PCDHGB2: variants seen among roughly 807,000 people sequenced by gnomAD.
PCDHGB2 encodes protocadherin gamma-B2.
Under a neutral mutation model 59.3 loss-of-function variants are expected in PCDHGB2, and 55 were observed. That is an observed-to-expected ratio of 0.93 (90% CI 0.75 to 1.16). The LOEUF (loss-of-function observed/expected upper bound fraction) is 1.16. PCDHGB2 is among the 50% of genes most tolerant of loss of function. PCDHGB2 has a pLI of 0.00. For synonymous variants in PCDHGB2, 516 were observed against 512.0 expected (o/e 1.01, Z -0.11); for missense variants, 1,228 against 1,198.5 (o/e 1.02, Z -0.36).
chr5:141,365,340 T>C (rs776988694), intron 1 of PCDHGB2: 5 of 1,613,832 alleles, frequency 3.1e-6, no homozygotes, highest in Admixed American at 1.7e-5. Flanking sequence ...GTGGTCACAG[T>C]ACAGGACGTG....
intron 1 of PCDHGB2, chr5:141,377,804 G>A (rs1588845842): frequency 6.6e-6 from 1 of 152,230 alleles, no homozygotes; most frequent in Middle Eastern, 3.4e-3. Flanking sequence ...GTAACTATCT[G>A]TTATTTACTT....
At chr5:141,375,942 G>T in intron 1 of PCDHGB2, 4 of 1,613,518 alleles carry the variant, frequency 2.5e-6, no homozygotes, top group Non-Finnish European at 2.5e-6. Flanking sequence ...TTCTCAGTGG[G>T]CCTGCACACG....
chr5:141,432,945 G>A lies in PCDHGB2; in HGVS notation c.2422-61862G>A, dbSNP rs761055026. On this transcript the variant is annotated intron_variant, in intron 1 of 3. Transcript: ENST00000522605. This position sits in a 1 kb window ranked among gnomAD's most constrained non-coding sequence, Gnocchi z 6.0. ...AAGTCACGCCTGCTGCAGGCTTCAGGAGGCGGCTTGACAGGAGCGCCGGCG... is the reference window on the plus strand; with the variant it reads ...AAGTCACGCCTGCTGCAGGCTTCAGAAGGCGGCTTGACAGGAGCGCCGGCG... 3 of 1,614,218 alleles carry A rather than the reference G, an allele frequency of 1.9e-6. No individual in the cohort carries two copies. The highest frequency in any genetic ancestry group is 2.5e-6 in the Non-Finnish European group (3 of 1,180,058).
chr5:141,423,139 G>A (rs2096713828), intron 1 of PCDHGB2: 2 of 1,613,616 alleles, frequency 1.2e-6, no homozygotes, highest in Middle Eastern at 1.7e-4. Flanking sequence ...GGACAGAGAC[G>A]CGCTCAAGCA....
At chr5:141,423,701 G>A in intron 1 of PCDHGB2, 1 of 1,312,668 alleles carries the variant, frequency 7.6e-7, no homozygotes, top group Non-Finnish European at 9.9e-7. Flanking sequence ...TGGTGTCTTG[G>A]CACAAGTCTT....
chr5:141,414,715 G>A, intron 1 of PCDHGB2: 1 of 1,614,128 alleles, frequency 6.2e-7, no homozygotes. Context: ...CATCAACTCA[G>A]ACACTGGCGT....
rs2099383865 is a variant in PCDHGB2, at chr5:141,476,005, A to G, written c.2422-18802A>G. 1 of 1,267,576 alleles carries G rather than the reference A, an allele frequency of 7.9e-7. No homozygotes were observed. Among genetic ancestry groups the G allele is most frequent in the East Asian group, 2.3e-5 (1 of 42,864 alleles). 78.5% of individuals were successfully genotyped at this position (1,267,576 alleles called of 1,614,324 possible). A position where few individuals can be genotyped will look rare whatever the true frequency, so the allele number is the denominator to read the frequency against. ...CGGCGAGCAAATCAACGGCATCCAG[A>G]AAGCCATGTCGGACTCGGCGCCCAG... On this transcript the variant is annotated intron_variant, in intron 1 of 3. Coordinates refer to ENST00000522605, the MANE Select transcript of PCDHGB2 (RefSeq NM_018923.3). This position sits in a 1 kb window ranked among gnomAD's most constrained non-coding sequence, Gnocchi z 7.6.
Position 141,366,719 on chromosome 5 carries a change from G to C in PCDHGB2, c.2421+4163G>C, listed in dbSNP as rs775968939. The C allele has an allele frequency of 1.9e-6, 3 of 1,613,834 alleles. No homozygotes were observed. The Admixed American group carries it at 5.0e-5, about 27-fold the overall frequency. ...CGAGCCTCTTCTGATGTCTGATAAG[G>C]TAGATGCAAACAAAGAAGAACGGCG... On this transcript the variant is annotated intron_variant, in intron 1 of 3. Coordinates refer to ENST00000522605, the MANE Select transcript of PCDHGB2 (RefSeq NM_018923.3).
intron 1 of PCDHGB2, among the ~76,000 whole-genome samples, chr5:141,480,768 A>G (rs1371582817): frequency 6.6e-6 from 1 of 152,162 alleles, no homozygotes; most frequent in African/African-American, 2.4e-5. Flanking sequence ...TCCCCACTTG[A>G]TCCTAATGTG....
Position 141,485,870 on chromosome 5 carries a change from C to T in PCDHGB2, c.2422-8937C>T. The stretch of plus-strand genomic sequence containing the variant: ...CACCGCAGAGCTCCGGGTATCCGTG[C>T]TGGACGTAAACGACAACGCCCCAGC... On this transcript the variant is annotated intron_variant, in intron 1 of 3. Coordinates refer to ENST00000522605, the MANE Select transcript of PCDHGB2 (RefSeq NM_018923.3). This position sits in a 1 kb window ranked among gnomAD's most constrained non-coding sequence, Gnocchi z 5.7. 6.2e-7 allele frequency: 1 copy of T among 1,614,174 alleles called. No homozygotes were observed. The highest frequency in any genetic ancestry group is 8.5e-7 in the Non-Finnish European group (1 of 1,180,032).
intron 1 of PCDHGB2, among the ~76,000 whole-genome samples, chr5:141,462,771 G>C (rs1295560657): frequency 6.6e-6 from 1 of 152,088 alleles, no homozygotes; most frequent in Non-Finnish European, 1.5e-5. Context: ...CTGGCTTGGG[G>C]TCATAATTTG....
At position 141,491,700 on chromosome 5, in the gene PCDHGB2, G is replaced by A. The variant is rs1199177466; in HGVS notation, c.2422-3107G>A. 3.1e-6 allele frequency: 5 copies of A among 1,611,830 alleles called. No homozygotes were observed. The highest frequency in any genetic ancestry group is 4.2e-6 in the Non-Finnish European group (5 of 1,179,142). On this transcript the variant is annotated intron_variant, in intron 1 of 3. Coordinates refer to ENST00000522605, the MANE Select transcript of PCDHGB2 (RefSeq NM_018923.3). The surrounding 1 kb of genome is among the most constrained non-coding windows in gnomAD (Gnocchi z 6.9). ...CTAATACGCTGCGGGAGCGGAGCCA[G>A]GTGAGGGGCTCGGCGCCGCCCCGGG...
At chr5:141,394,311 C>G in intron 1 of PCDHGB2, 3 of 1,613,986 alleles carry the variant, frequency 1.9e-6, no homozygotes, top group Non-Finnish European at 1.7e-6. Context: ...GCAGGGGGCG[C>G]CCCTGTCCTC....
intron 1 of PCDHGB2, chr5:141,375,273 C>A (rs770340172): frequency 6.2e-7 from 1 of 1,613,854 alleles, no homozygotes; most frequent in South Asian, 1.1e-5. Flanking sequence ...TTGGAAAAAT[C>A]AGTTGGCAAT....
chr5:141,381,354 G>A (rs1163041754), intron 1 of PCDHGB2, among the ~76,000 whole-genome samples: 1 of 152,202 alleles, frequency 6.6e-6, no homozygotes, highest in Non-Finnish European at 1.5e-5. Context: ...CTTTCTGCTA[G>A]CAGAGGGTAG....
intron 1 of PCDHGB2, among the ~76,000 whole-genome samples, chr5:141,435,547 G>T (rs2097769325): frequency 6.6e-6 from 1 of 152,114 alleles, no homozygotes. Context: ...AACAAAATGT[G>T]TTTTGAGTGC....
chr5:141,390,534 A>C (rs2092170785), intron 1 of PCDHGB2: 1 of 525,162 alleles, frequency 1.9e-6, no homozygotes, highest in Non-Finnish European at 3.3e-6. Context: ...TGTGGTTTTA[A>C]CCACAAAGTG....
At chr5:141,457,802 T>C (rs1332412750) in intron 1 of PCDHGB2, among the ~76,000 whole-genome samples, 1 of 152,210 alleles carries the variant, frequency 6.6e-6, no homozygotes, top group Non-Finnish European at 1.5e-5. Context: ...TCCTCTCCTC[T>C]TGAGGTCCCA....
intron 1 of PCDHGB2, among the ~76,000 whole-genome samples, chr5:141,450,814 A>C (rs990515429): frequency 1.5e-5 from 2 of 136,790 alleles, no homozygotes; most frequent in Non-Finnish European, 3.1e-5. Context: ...TTATTTATTT[A>C]ATATTATTAT....
Sources: gnomAD v4.1 joint callset for allele counts (sites outside exome capture counted in the v4.1 genomes callset) on GRCh38, gnomAD v4.1.1 for gene constraint, Gnocchi (gnomAD v3.1) non-coding constraint, MANE v1.5 for transcripts, NCBI Gene and HGNC (gene_info 2026-07-23, HGNC 2026-07-21) for gene names.